The following BMPER variants were observed in gnomAD, a reference collection of about 807,000 sequenced individuals.
BMPER encodes BMP binding endothelial regulator, also known as BMP-binding endothelial regulator protein.
In BMPER, 45 loss-of-function variants were observed where a neutral mutation model predicts 87.3. That is an observed-to-expected ratio of 0.52 (90% confidence interval 0.41 to 0.66). BMPER has a LOEUF of 0.66. Ranked by LOEUF, BMPER falls within the 30% of genes least tolerant of loss-of-function variation. The probability of loss-of-function intolerance (pLI) is 0.00; values close to 1 mark genes in which losing one functional copy is unlikely to be tolerated. For missense variants in BMPER, 784 were observed against 867.5 expected (o/e 0.90, Z 1.21); for synonymous variants, 326 against 316.2 (o/e 1.03, Z -0.33).
chr7:34,151,932 G>A (rs1165377946), intron 14 of BMPER, among the ~76,000 whole-genome samples: 1 of 152,180 alleles, frequency 6.6e-6, no homozygotes, highest in East Asian at 1.9e-4. Context: ...TCTAACCAGT[G>A]CAATGGATAT....
intron 13 of BMPER, among the ~76,000 whole-genome samples, chr7:34,094,046 C>T (rs1789463623): frequency 6.6e-6 from 1 of 152,176 alleles, no homozygotes; most frequent in South Asian, 2.1e-4. Flanking sequence ...CTGACAGGCA[C>T]ACCTGGTCTG....
At chr7:33,970,567 A>G (rs1464915144) in intron 5 of BMPER, 148 bp downstream of exon 5, 5 of 850,154 alleles carry the variant, frequency 5.9e-6, no homozygotes, top group Admixed American at 2.0e-5. Flanking sequence ...GCATAGAAAT[A>G]TCCGCTTGGC....
intron 13 of BMPER, among the ~76,000 whole-genome samples, chr7:34,119,014 T>TCTCTCTCTCTCACACA (rs66493349): frequency 8.1e-5 from 11 of 135,712 alleles, no homozygotes; most frequent in African/African-American, 2.6e-4. Flanking sequence ...TCTCTCTCTC[T>TCTCTCTCTCTCACACA]CACACACACA....
chr7:34,055,153 G>A lies in BMPER; in HGVS notation c.787-10G>A, dbSNP rs1562713686. Reference sequence around the variant, plus strand: ...CATTTTTAATTTCTATTTTGCCTTTGGGCCCCCAGGACTCTACTGTGGTTT... The same window carrying A: ...CATTTTTAATTTCTATTTTGCCTTTAGGCCCCCAGGACTCTACTGTGGTTT... On this transcript the variant is annotated splice_polypyrimidine_tract_variant and intron_variant, in intron 8 of 14. Transcript: ENST00000649409. 5.0e-6 allele frequency: 8 copies of A among 1,614,062 alleles called. No individual in the cohort carries two copies. Among genetic ancestry groups the A allele is most frequent in the Admixed American group, 1.7e-5 (1 of 60,022 alleles).
chr7:34,123,371 T>C (rs1362462), intron 13 of BMPER, among the ~76,000 whole-genome samples: 26,030 of 152,142 alleles, frequency 0.17, 2,428 homozygotes, highest in Non-Finnish European at 0.2. Context: ...AGATCATGAA[T>C]CAAGGACTCC....
intron 6 of BMPER, among the ~76,000 whole-genome samples, chr7:34,011,556 GC>G (rs1786875218): frequency 8.0e-6 from 1 of 124,854 alleles, no homozygotes; most frequent in African/African-American, 3.2e-5. Flanking sequence ...ATGTAAATAG[GC>G]CTTTGCTGCT....
chr7:34,113,078 C>T (rs1294941183), intron 13 of BMPER, among the ~76,000 whole-genome samples: 1 of 151,540 alleles, frequency 6.6e-6, no homozygotes, highest in Non-Finnish European at 1.5e-5. Flanking sequence ...TGTGAGCAAG[C>T]AGCTCATTGC....
intron 2 of BMPER, among the ~76,000 whole-genome samples, chr7:33,930,628 A>G (rs756676625): frequency 7.9e-5 from 12 of 152,228 alleles, no homozygotes; most frequent in Non-Finnish European, 1.6e-4. Context: ...ACAATTTCCA[A>G]TGATCAGAAC....
chr7:34,004,574 T>C (rs1289629819), intron 6 of BMPER, among the ~76,000 whole-genome samples: 1 of 152,170 alleles, frequency 6.6e-6, no homozygotes, highest in East Asian at 1.9e-4. Context: ...TTGCTGTTTG[T>C]TTCTGTGGTT....
intron 11 of BMPER, among the ~76,000 whole-genome samples, chr7:34,064,614 G>T (rs1397315971): frequency 6.6e-6 from 1 of 152,228 alleles, no homozygotes; most frequent in African/African-American, 2.4e-5. Context: ...AAGGGAGAAG[G>T]CCACCCAGCT....
intron 13 of BMPER, among the ~76,000 whole-genome samples, chr7:34,118,344 A>C (rs1435065542): frequency 6.6e-6 from 1 of 152,190 alleles, no homozygotes; most frequent in African/African-American, 2.4e-5. Context: ...CTAGGGTCAC[A>C]AGACGTAATT....
At chr7:33,995,211 C>T (rs888979819) in intron 6 of BMPER, among the ~76,000 whole-genome samples, 1 of 151,982 alleles carries the variant, frequency 6.6e-6, no homozygotes, top group Non-Finnish European at 1.5e-5. Flanking sequence ...ACTAAAAAGA[C>T]TCTTACATAA....
chr7:34,063,608 T>C (rs143840109), intron 11 of BMPER, among the ~76,000 whole-genome samples: 138 of 152,298 alleles, frequency 9.1e-4, no homozygotes, highest in African/African-American at 3.1e-3. Context: ...GAAGTACGAC[T>C]TAGTAGAGAA....
chr7:33,991,048 G>A (rs551007890), intron 6 of BMPER, among the ~76,000 whole-genome samples: 1 of 146,050 alleles, frequency 6.8e-6, no homozygotes, highest in Non-Finnish European at 1.5e-5. Context: ...TTGCATCAAT[G>A]CTCATCAAGG....
At chr7:33,995,322 A>T (rs570341773) in intron 6 of BMPER, among the ~76,000 whole-genome samples, 1 of 152,176 alleles carries the variant, frequency 6.6e-6, no homozygotes, top group East Asian at 1.9e-4. Flanking sequence ...GAACTTCTTC[A>T]CTCATGAGAT....
chr7:34,153,930 G>A lies in BMPER; in HGVS notation c.*657G>A, dbSNP rs1791249531. Reference sequence around the variant, plus strand: ...CACTAGGGCATAACCGAAGAATCAAGTGATTTCTTGCCATCCTTGCGTAGT... The same window carrying A: ...CACTAGGGCATAACCGAAGAATCAAATGATTTCTTGCCATCCTTGCGTAGT... On this transcript the variant is annotated 3_prime_UTR_variant, in exon 15 of 15. Coordinates refer to ENST00000649409, the MANE Select transcript of BMPER (RefSeq NM_001365308.1). 6.5e-6 allele frequency: 1 copy of A among 154,528 alleles called. No homozygotes were observed. The highest frequency in any genetic ancestry group is 2.0e-4 in the South Asian group (1 of 4,968). The allele number at this position is 154,528 out of a possible 1,614,324, so 9.6% of individuals were successfully genotyped here.
chr7:34,141,620 A>G (rs992886303), intron 13 of BMPER, among the ~76,000 whole-genome samples: 22 of 151,444 alleles, frequency 1.5e-4, no homozygotes, highest in African/African-American at 5.1e-4. Flanking sequence ...CAAAAAAAAA[A>G]AAAAAAAAAA....
At chr7:34,027,551 A>G (rs1334327922) in intron 6 of BMPER, among the ~76,000 whole-genome samples, 1 of 152,124 alleles carries the variant, frequency 6.6e-6, no homozygotes, top group African/African-American at 2.4e-5. Flanking sequence ...TCTAGAGGAA[A>G]AACACTTATG....
intron 13 of BMPER, among the ~76,000 whole-genome samples, chr7:34,129,636 GAAAGAAAGAAAGAAAGAA>G (rs1790519891): frequency 6.8e-6 from 1 of 147,246 alleles, no homozygotes; most frequent in African/African-American, 2.5e-5. Flanking sequence ...AAGAGAGAAA[GAAAGAAAGAAAGAAAGAA>G]AGAAAGAAAG....
Sources: gnomAD v4.1 joint callset for allele counts (sites outside exome capture counted in the v4.1 genomes callset) on GRCh38, gnomAD v4.1.1 for gene constraint, MANE v1.5 for transcripts, NCBI Gene and HGNC (gene_info 2026-07-23, HGNC 2026-07-21) for gene names.